KCNMA1: variants seen among roughly 807,000 people sequenced by gnomAD.
KCNMA1 encodes potassium calcium-activated channel subfamily M alpha 1, also known as Calcium-activated potassium channel subunit alpha-1.
In KCNMA1, 29 loss-of-function variants were observed where a neutral mutation model predicts 140.0. That is an observed-to-expected ratio of 0.21 (90% confidence interval 0.15 to 0.28). The LOEUF is 0.28. KCNMA1 is among the 10% of genes least tolerant of loss of function. KCNMA1 has a pLI of 1.00. For synonymous variants in KCNMA1, 612 were observed against 611.9 expected (o/e 1.00, Z 0.00); for missense variants, 880 against 1,602.2 (o/e 0.55, Z 7.70).
At chr10:77,289,426 C>T (rs530796856) in intron 2 of KCNMA1, among the ~76,000 whole-genome samples, 16 of 152,296 alleles carry the variant, frequency 1.1e-4, no homozygotes, top group Non-Finnish European at 1.5e-4. Context: ...TCTGCCCTTA[C>T]ATGAGGGAAA....
chr10:77,500,414 G>A lies in KCNMA1; in HGVS notation c.379-96391C>T, dbSNP rs1190560756. On this transcript the variant is annotated intron_variant, in intron 1 of 27. Transcript: ENST00000286628. Reference sequence around the variant, plus strand: ...TGTAATCCCACTGCTTTGGGAGGCCGAGGTGGCAGGATCACTTGAGGCCAG... The same window carrying A: ...TGTAATCCCACTGCTTTGGGAGGCCAAGGTGGCAGGATCACTTGAGGCCAG... 7.2e-5 allele frequency among the ~76,000 whole-genome samples: 11 copies of A among 152,128 alleles called. No individual in the cohort carries two copies. The South Asian group carries it at 1.7e-3, about 23-fold the overall frequency.
downstream of KCNMA1, chr10:76,877,725 T>G (rs748550847): frequency 1.9e-6 from 3 of 1,549,910 alleles, no homozygotes; most frequent in South Asian, 3.6e-5. Context: ...AAAATAGTTC[T>G]GGTCTCCTGG....
At chr10:76,932,023 C>T (rs1297605642) in intron 23 of KCNMA1, among the ~76,000 whole-genome samples, 3 of 152,116 alleles carry the variant, frequency 2.0e-5, no homozygotes, top group Non-Finnish European at 4.4e-5. Flanking sequence ...AAATAGCTAA[C>T]ATTGCTTGAT....
intron 22 of KCNMA1, among the ~76,000 whole-genome samples, chr10:76,946,266 A>G (rs913828893): frequency 6.6e-6 from 1 of 152,102 alleles, no homozygotes; most frequent in Non-Finnish European, 1.5e-5. Context: ...ACGCGGCATC[A>G]TTTTGGGGCT....
intron 1 of KCNMA1, among the ~76,000 whole-genome samples, chr10:77,438,066 T>A (rs1264137924): frequency 6.7e-6 from 1 of 150,008 alleles, no homozygotes; most frequent in Admixed American, 6.7e-5. Flanking sequence ...TTAATTTTAA[T>A]TTTTTTTGTT....
At chr10:77,190,269 A>G (rs888902315) in intron 3 of KCNMA1, among the ~76,000 whole-genome samples, 5 of 152,222 alleles carry the variant, frequency 3.3e-5, no homozygotes, top group African/African-American at 9.6e-5. Context: ...CTTCAATTCA[A>G]TGTAATAATA....
chr10:77,475,888 G>A (rs569186195), intron 1 of KCNMA1, among the ~76,000 whole-genome samples: 45 of 152,322 alleles, frequency 3.0e-4, no homozygotes, highest in African/African-American at 1.1e-3. Flanking sequence ...CTCACAGTGA[G>A]GCTCTGGCTG....
intron 14 of KCNMA1, among the ~76,000 whole-genome samples, chr10:77,069,346 C>A (rs1249002700): frequency 6.6e-6 from 1 of 152,152 alleles, no homozygotes; most frequent in East Asian, 1.9e-4. Flanking sequence ...GATCCTATTG[C>A]ACAAAATGCT....
chr10:77,314,196 A>T (rs375007407), intron 2 of KCNMA1: 1 of 152,154 alleles, frequency 6.6e-6, no homozygotes, highest in Non-Finnish European at 1.5e-5. Flanking sequence ...CTTAAGGCCA[A>T]AAGCCACTGA....
At chr10:77,055,852 T>A (rs530843185) in intron 14 of KCNMA1, among the ~76,000 whole-genome samples, 13 of 152,256 alleles carry the variant, frequency 8.5e-5, no homozygotes, top group African/African-American at 2.9e-4. Context: ...AAAGAGGACA[T>A]GGGGAAGTAG....
intron 2 of KCNMA1, among the ~76,000 whole-genome samples, chr10:77,381,677 T>C (rs2095392010): frequency 6.6e-6 from 1 of 152,232 alleles, no homozygotes; most frequent in Non-Finnish European, 1.5e-5. Flanking sequence ...TTCCCAGCAA[T>C]GTCTCCAGTG....
intron 5 of KCNMA1, among the ~76,000 whole-genome samples, chr10:77,139,714 A>AT (rs1392857411): frequency 6.6e-6 from 1 of 152,224 alleles, no homozygotes; most frequent in African/African-American, 2.4e-5. Flanking sequence ...GTAATATATT[A>AT]TGGATGCCTA....
intron 5 of KCNMA1, among the ~76,000 whole-genome samples, chr10:77,121,388 T>C (rs1218448229): frequency 6.6e-6 from 1 of 152,224 alleles, no homozygotes; most frequent in Admixed American, 6.5e-5. Flanking sequence ...ATTTTGTCTC[T>C]GAAAAATCCT....
intron 5 of KCNMA1, among the ~76,000 whole-genome samples, chr10:77,167,145 C>T (rs971029614): frequency 6.6e-6 from 1 of 152,088 alleles, no homozygotes; most frequent in Non-Finnish European, 1.5e-5. Context: ...CCTTCCCTGC[C>T]TCAGATAACT....
At chr10:77,531,723 C>A (rs1446380261) in intron 1 of KCNMA1, among the ~76,000 whole-genome samples, 1 of 152,224 alleles carries the variant, frequency 6.6e-6, no homozygotes, top group Non-Finnish European at 1.5e-5. Context: ...GGGCTTCCAA[C>A]CTAGCCTGGA....
intron 2 of KCNMA1, among the ~76,000 whole-genome samples, chr10:77,356,209 A>T (rs186427781): frequency 7.2e-4 from 109 of 152,316 alleles, no homozygotes; most frequent in Admixed American, 1.6e-3. Context: ...CATGGCCTTT[A>T]ACAAGTTCTC....
chr10:76,952,589 G>T (rs1442649841), intron 21 of KCNMA1, among the ~76,000 whole-genome samples: 2 of 152,128 alleles, frequency 1.3e-5, no homozygotes, highest in African/African-American at 4.8e-5. Flanking sequence ...TGCACTCCTG[G>T]TCAGTTGGAC....
At position 77,588,439 on chromosome 10, in the gene KCNMA1, T is replaced by A. The variant is rs1603637782; in HGVS notation, c.378+48826A>T. Among the ~76,000 whole-genome samples the A allele has an allele frequency of 5.3e-5, 8 of 152,318 alleles. No homozygotes were observed. The South Asian group carries it at 1.5e-3, about 28-fold the overall frequency. On this transcript the variant is annotated intron_variant, in intron 1 of 27. Transcript: ENST00000286628. ...GGTCTGGAGTCCAGGGCCGTGGGAC[T>A]GCAGTCTGGGCCCTGATATTTTATC...
chr10:77,558,723 G>A (rs567563823), intron 1 of KCNMA1, among the ~76,000 whole-genome samples: 1 of 152,276 alleles, frequency 6.6e-6, no homozygotes, highest in East Asian at 1.9e-4. Context: ...CTCATCTGAA[G>A]AGAAGCCTAC....
Sources: allele counts gnomAD v4.1 joint callset (sites outside exome capture counted in the v4.1 genomes callset), GRCh38; gene constraint gnomAD v4.1.1; transcripts MANE v1.5; gene names NCBI Gene and HGNC (gene_info 2026-07-23, HGNC 2026-07-21).